VPS13B: variants seen among roughly 807,000 people sequenced by gnomAD.
VPS13B encodes vacuolar protein sorting 13 homolog B.
VPS13B carries 285 observed loss-of-function variants against 426.4 expected under a neutral mutation model. That is an observed-to-expected ratio of 0.67 (90% CI 0.61 to 0.74). The LOEUF (loss-of-function observed/expected upper bound fraction) is 0.74. Among genes scored for constraint, VPS13B ranks in the 30% least tolerant of loss-of-function variants. VPS13B has a pLI of 0.00. For missense variants in VPS13B, 4,537 were observed against 4,782.6 expected, an observed-to-expected ratio of 0.95 and a Z score of 1.51; for synonymous variants, 1,676 against 1,676.4, an observed-to-expected ratio of 1.00 and a Z score of 0.01.
chr8:99,027,601 G>A (rs1275511071), intron 2 of VPS13B, among the ~76,000 whole-genome samples: 1 of 151,756 alleles, frequency 6.6e-6, no homozygotes, highest in African/African-American at 2.4e-5. Flanking sequence ...CTTCATTTCT[G>A]AAGGGTAGTT....
chr8:99,616,279 A>C (rs1828081767), intron 33 of VPS13B, among the ~76,000 whole-genome samples: 1 of 152,198 alleles, frequency 6.6e-6, no homozygotes, highest in African/African-American at 2.4e-5. Context: ...ACTATGCCAG[A>C]TAATAAAGGA....
At chr8:99,343,234 C>T (rs1380694713) in intron 19 of VPS13B, among the ~76,000 whole-genome samples, 2 of 151,926 alleles carry the variant, frequency 1.3e-5, no homozygotes, top group Non-Finnish European at 2.9e-5. Flanking sequence ...GCTGGCACTA[C>T]AGGCACGCAC....
At chr8:99,311,962 A>G (rs936093337) in intron 19 of VPS13B, among the ~76,000 whole-genome samples, 2 of 152,092 alleles carry the variant, frequency 1.3e-5, no homozygotes, top group Non-Finnish European at 2.9e-5. Flanking sequence ...TTGTTGGTTT[A>G]AAGTCTGTTT....
At chr8:99,183,255 A>G (rs1813041004) in intron 16 of VPS13B, among the ~76,000 whole-genome samples, 1 of 152,198 alleles carries the variant, frequency 6.6e-6, no homozygotes, top group Admixed American at 6.5e-5. Context: ...AGGTTGAGAC[A>G]TTATGCCCCG....
chr8:99,587,897 A>C (rs1288259348), intron 33 of VPS13B, among the ~76,000 whole-genome samples: 1 of 151,774 alleles, frequency 6.6e-6, no homozygotes, highest in Non-Finnish European at 1.5e-5. Flanking sequence ...GTCCTTGCCC[A>C]TGCCTATGTC....
At position 99,735,735 on chromosome 8, in the gene VPS13B, G is replaced by A. The variant is rs922666138; in HGVS notation, c.7050+14688G>A. On this transcript the variant is annotated intron_variant, in intron 39 of 61. Transcript: ENST00000357162. ...GAATCAACAAAGGAGTGGTCAAAAA[G>A]GAAGGCCGTGGAGGCAACAGTGTCA... 6.8e-4 allele frequency among the ~76,000 whole-genome samples: 103 copies of A among 152,194 alleles called. 1 individual carries two copies. Among genetic ancestry groups the A allele is most frequent in the African/African-American group, 2.3e-3 (97 of 41,446 alleles).
intron 39 of VPS13B, among the ~76,000 whole-genome samples, chr8:99,743,509 C>T (rs1356904456): frequency 6.6e-5 from 10 of 152,176 alleles, no homozygotes; most frequent in Admixed American, 2.6e-4. Flanking sequence ...GAGCCCGCAT[C>T]GCCAAGTCAA....
intron 43 of VPS13B, among the ~76,000 whole-genome samples, chr8:99,801,194 C>T (rs1252056360): frequency 1.3e-5 from 2 of 152,088 alleles, no homozygotes; most frequent in African/African-American, 4.8e-5. Flanking sequence ...ATATCTCTCT[C>T]CCACCCTCTG....
chr8:99,631,488 T>C (rs779519580), intron 33 of VPS13B, among the ~76,000 whole-genome samples: 27 of 152,094 alleles, frequency 1.8e-4, no homozygotes, highest in Non-Finnish European at 2.9e-4. Flanking sequence ...AATATCACTG[T>C]GGTCATTTAT....
intron 31 of VPS13B, among the ~76,000 whole-genome samples, chr8:99,563,150 C>G (rs1299403282): frequency 6.6e-6 from 1 of 152,188 alleles, no homozygotes; most frequent in East Asian, 1.9e-4. Context: ...GTCAACAGAG[C>G]AAAACCCTGT....
intron 2 of VPS13B, among the ~76,000 whole-genome samples, chr8:99,037,651 TC>T (rs1387190833): frequency 3.7e-4 from 56 of 152,282 alleles, no homozygotes; most frequent in African/African-American, 1.3e-3. Context: ...TACATTTTTT[TC>T]TTCCTCCTTT....
chr8:99,061,236 G>C lies in VPS13B; in HGVS notation c.291+22670G>C, dbSNP rs116961242. On this transcript the variant is annotated intron_variant, in intron 3 of 61. Coordinates refer to ENST00000357162, the MANE Select transcript of VPS13B (RefSeq NM_152564.5). ...TTCATATGCTCTGGAGGTTCCTTTTGAATCTATAAAATGCAACAGTTCTCT... is the reference window on the plus strand; with the variant it reads ...TTCATATGCTCTGGAGGTTCCTTTTCAATCTATAAAATGCAACAGTTCTCT... Among the ~76,000 whole-genome samples, 25 of 149,612 alleles carry C rather than the reference G, an allele frequency of 1.7e-4. No individual in the cohort carries two copies. In the East Asian group the frequency reaches 4.5e-3, roughly 27 times the overall value.
chr8:99,423,785 T>G (rs945722894), intron 21 of VPS13B, among the ~76,000 whole-genome samples: 2 of 152,220 alleles, frequency 1.3e-5, no homozygotes, highest in Non-Finnish European at 2.9e-5. Context: ...CAGTTTGTTA[T>G]AATTTCTGTC....
chr8:99,355,007 G>A (rs1812104010), intron 19 of VPS13B, among the ~76,000 whole-genome samples: 2 of 152,170 alleles, frequency 1.3e-5, no homozygotes, highest in Admixed American at 6.5e-5. Flanking sequence ...CTTTGGAAGA[G>A]TACTATCTAT....
intron 19 of VPS13B, among the ~76,000 whole-genome samples, chr8:99,295,470 T>C (rs1274591974): frequency 1.3e-5 from 2 of 152,216 alleles, no homozygotes; most frequent in African/African-American, 4.8e-5. Flanking sequence ...ATGTTACAGC[T>C]TGATAAATGC....
intron 2 of VPS13B, among the ~76,000 whole-genome samples, chr8:99,016,588 T>TC (rs1841631025): frequency 1.0e-5 from 1 of 99,080 alleles, no homozygotes; most frequent in African/African-American, 3.5e-5. Flanking sequence ...TAGGAATTCT[T>TC]TTTTTTTTTT....
At chr8:99,510,177 TTAAA>T (rs1023602701) in intron 28 of VPS13B, among the ~76,000 whole-genome samples, 2 of 152,226 alleles carry the variant, frequency 1.3e-5, no homozygotes, top group African/African-American at 2.4e-5. Flanking sequence ...ACATTACTGT[TTAAA>T]TATGCAGTAA....
intron 16 of VPS13B, among the ~76,000 whole-genome samples, chr8:99,171,348 T>C (rs927668133): frequency 1.3e-5 from 2 of 152,118 alleles, no homozygotes; most frequent in African/African-American, 4.8e-5. Flanking sequence ...TATGGTGATA[T>C]CAATTTTAAT....
Position 99,050,110 on chromosome 8 carries a change from G to A in VPS13B, c.291+11544G>A, listed in dbSNP as rs560550993. Among the ~76,000 whole-genome samples the A allele has an allele frequency of 3.3e-5, 5 of 151,654 alleles. No homozygotes were observed. The South Asian group carries it at 1.0e-3, about 32-fold the overall frequency. ...CAGGTTAGTTACGTATGTATACACG[G>A]GCCATGTTGGTGTGCTGCACCCATT... On this transcript the variant is annotated intron_variant, in intron 3 of 61. Coordinates refer to ENST00000357162, the MANE Select transcript of VPS13B (RefSeq NM_152564.5).
Sources: gnomAD v4.1 joint callset for allele counts (sites outside exome capture counted in the v4.1 genomes callset) on GRCh38, gnomAD v4.1.1 for gene constraint, MANE v1.5 for transcripts, NCBI Gene and HGNC (gene_info 2026-07-23, HGNC 2026-07-21) for gene names.